CDIP1: variants seen among roughly 807,000 people sequenced by gnomAD.
CDIP1 encodes cell death-inducing p53-target protein 1.
CDIP1 carries 9 observed loss-of-function variants against 17.7 expected under a neutral mutation model. The ratio of observed to expected loss-of-function variants is 0.51; its 90% CI spans 0.31 to 0.89. The LOEUF is 0.89. CDIP1 is among the 40% of genes least tolerant of loss of function. The pLI, the probability that CDIP1 is intolerant of heterozygous loss-of-function variation, is 0.05. For missense variants in CDIP1, 263 were observed against 277.9 expected (o/e 0.95, Z 0.38); for synonymous variants, 117 against 109.5 (o/e 1.07, Z -0.43).
chr16:4,531,296 G>A (rs1445994058), intron 1 of CDIP1, among the ~76,000 whole-genome samples: 2 of 151,798 alleles, frequency 1.3e-5, no homozygotes, highest in Admixed American at 1.3e-4. Flanking sequence ...CCAAAGTGCT[G>A]GGATTACAGG....
chr16:4,517,436 TAAG>T (rs2141634122), intron 1 of CDIP1, among the ~76,000 whole-genome samples: 1 of 152,134 alleles, frequency 6.6e-6, no homozygotes, highest in Non-Finnish European at 1.5e-5. Flanking sequence ...GGCACAGGGT[TAAG>T]AAAAGGGAGC....
At position 4,510,771 on chromosome 16, in the gene CDIP1, A is replaced by AAAAGT. The variant is rs896207539; in HGVS notation, c.*1796_*1800dup. On this transcript the variant is annotated 3_prime_UTR_variant, in exon 6 of 6. Coordinates refer to ENST00000567695, the MANE Select transcript of CDIP1 (RefSeq NM_013399.3). Reference sequence around the variant, plus strand: ...AAAAGTTTTATTTCAAAAAGGGTTAAAAAGTAGGGAAACTCTTTAAACTAC... The same window carrying AAAAGT: ...AAAAGTTTTATTTCAAAAAGGGTTAAAAAGTAAAGTAGGGAAACTCTTTAAACTAC... 3 of 152,230 alleles carry AAAAGT rather than the reference A, an allele frequency of 2.0e-5. No individual in the cohort carries two copies. The highest frequency in any genetic ancestry group is 4.4e-5 in the Non-Finnish European group (3 of 68,042). The allele number at this position is 152,230 out of a possible 1,614,324, so 9.4% of individuals were successfully genotyped here.
At chr16:4,534,951 C>G (rs1480260525) in intron 1 of CDIP1, among the ~76,000 whole-genome samples, 2 of 152,128 alleles carry the variant, frequency 1.3e-5, no homozygotes, top group East Asian at 3.9e-4. Context: ...TTCCCAACCT[C>G]AGGTGATCCG....
At position 4,514,115 on chromosome 16, in the gene CDIP1, G is replaced by C. The variant is rs1210120083; in HGVS notation, c.16C>G (p.Pro6Ala). Residue 6 changes from proline (P) to alanine (A), a missense_variant, in exon 3 of 6, where the codon CCC becomes GCC. Coordinates refer to ENST00000567695, the MANE Select transcript of CDIP1 (RefSeq NM_013399.3). This position sits in a 1 kb window ranked among gnomAD's most constrained non-coding sequence, Gnocchi z 5.2. MSSEP[P>A]PPYPGGPTAP... Reference sequence around the variant, plus strand: ...GTGGGGCCCCCAGGATAAGGAGGGGGAGGCTCGCTGGACATCTTCGCTGCT... The same window carrying C: ...GTGGGGCCCCCAGGATAAGGAGGGGCAGGCTCGCTGGACATCTTCGCTGCT... 1.9e-6 allele frequency: 3 copies of C among 1,546,536 alleles called. No individual in the cohort carries two copies. In the South Asian group the frequency reaches 3.7e-5, roughly 19 times the overall value.
intron 1 of CDIP1, among the ~76,000 whole-genome samples, chr16:4,527,591 T>G (rs57917522): frequency 6.6e-6 from 1 of 152,206 alleles, no homozygotes. Context: ...CACAGCATAG[T>G]GGATCAGTAC....
At chr16:4,526,373 C>A (rs2059000822) in intron 1 of CDIP1, among the ~76,000 whole-genome samples, 1 of 151,684 alleles carries the variant, frequency 6.6e-6, no homozygotes, top group Non-Finnish European at 1.5e-5. Flanking sequence ...CCGTCGCACT[C>A]CAGCCCGGGC....
rs1211191294 is a variant in CDIP1, at chr16:4,513,660, T to C, written c.241+36A>G. ...GCGCAGGCCAGACAGCAGCCAGGAG[T>C]TCCCCATGCTCCCCTCAGATCCCTT... On this transcript the variant is annotated intron_variant, in intron 4 of 5. Transcript: ENST00000567695. This position sits in a 1 kb window ranked among gnomAD's most constrained non-coding sequence, Gnocchi z 4.1. 1 of 1,587,906 alleles carries C rather than the reference T, an allele frequency of 6.3e-7. No homozygotes were observed. Among genetic ancestry groups the C allele is most frequent in the East Asian group, 2.2e-5 (1 of 44,504 alleles).
At chr16:4,530,506 G>A (rs531999187) in intron 1 of CDIP1, among the ~76,000 whole-genome samples, 20 of 152,048 alleles carry the variant, frequency 1.3e-4, no homozygotes, top group Non-Finnish European at 2.2e-4. Context: ...AAAATTAGCC[G>A]GGCGTGGTGG....
At chr16:4,521,777 A>T (rs114452004) in intron 1 of CDIP1, among the ~76,000 whole-genome samples, 11,728 of 149,450 alleles carry the variant, frequency 0.078, 768 homozygotes, top group African/African-American at 0.17. Context: ...CCCAAGACCC[A>T]CCACTTTCCA....
intron 1 of CDIP1, among the ~76,000 whole-genome samples, chr16:4,525,162 A>C (rs2058987242): frequency 6.6e-6 from 1 of 152,114 alleles, no homozygotes; most frequent in Non-Finnish European, 1.5e-5. Flanking sequence ...AGTTCTCTTC[A>C]AGTGATCCAT....
intron 1 of CDIP1, among the ~76,000 whole-genome samples, chr16:4,522,201 G>C (rs1317161231): frequency 1.3e-5 from 2 of 152,222 alleles, no homozygotes; most frequent in African/African-American, 4.8e-5. Context: ...ACAACTCTTT[G>C]AGAAGGCAGA....
intron 1 of CDIP1, chr16:4,536,573 ATTACT>A (rs2059108218): frequency 6.6e-6 from 1 of 152,174 alleles, no homozygotes; most frequent in Non-Finnish European, 1.5e-5. Context: ...TCCCTGAAGT[ATTACT>A]TTACATCATA....
At chr16:4,528,046 C>A (rs1053330006) in intron 1 of CDIP1, among the ~76,000 whole-genome samples, 1 of 152,158 alleles carries the variant, frequency 6.6e-6, no homozygotes, top group South Asian at 2.1e-4. Context: ...GAACTCTTGA[C>A]CTCAGGTGAT....
Position 4,514,437 on chromosome 16 carries a change from TG to T in CDIP1, c.-15+137del, listed in dbSNP as rs2141629092. The stretch of plus-strand genomic sequence containing the variant: ...CCCCCAAGGAGCCTAACTCAGCACT[TG>T]CCCCACACGAGAGCAGTTTGGCACC... On this transcript the variant is annotated intron_variant, in intron 2 of 5. Coordinates refer to ENST00000567695, the MANE Select transcript of CDIP1 (RefSeq NM_013399.3). This position sits in a 1 kb window ranked among gnomAD's most constrained non-coding sequence, Gnocchi z 5.2. 1 of 374,006 alleles carries T rather than the reference TG, an allele frequency of 2.7e-6. No individual in the cohort carries two copies. The highest frequency in any genetic ancestry group is 2.1e-5 in the African/African-American group (1 of 47,444). The allele number at this position is 374,006 out of a possible 1,614,324, so 23.2% of individuals were successfully genotyped here. A position where few individuals can be genotyped will look rare whatever the true frequency, so the allele number is the denominator to read the frequency against.
At chr16:4,523,482 C>G (rs1052420631) in intron 1 of CDIP1, among the ~76,000 whole-genome samples, 4 of 152,090 alleles carry the variant, frequency 2.6e-5, no homozygotes, top group African/African-American at 9.7e-5. Flanking sequence ...CCACTGCACT[C>G]TAACCTGGCG....
At chr16:4,534,093 G>A (rs1003733334) in intron 1 of CDIP1, among the ~76,000 whole-genome samples, 1 of 152,058 alleles carries the variant, frequency 6.6e-6, no homozygotes, top group African/African-American at 2.4e-5. Flanking sequence ...TGGAATTACA[G>A]GCACCTGCCC....
At position 4,512,570 on chromosome 16, in the gene CDIP1, C is replaced by T. The variant is rs1382204667; in HGVS notation, c.*2G>A. The T allele has an allele frequency of 3.7e-6, 6 of 1,610,338 alleles. No individual in the cohort carries two copies. The highest frequency in any genetic ancestry group is 2.2e-5 in the East Asian group (1 of 44,860). On this transcript the variant is annotated 3_prime_UTR_variant, in exon 6 of 6. Transcript: ENST00000567695. This position sits in a 1 kb window ranked among gnomAD's most constrained non-coding sequence, Gnocchi z 4.6. ...GCGGGGGAGTCCCGAGTCCCAGCTC[C>T]GTTAGCACAGGCGCTTGTACGTGTA... is the stretch of plus-strand genomic sequence containing the variant.
chr16:4,525,830 C>G (rs2058994303), intron 1 of CDIP1, among the ~76,000 whole-genome samples: 1 of 152,202 alleles, frequency 6.6e-6, no homozygotes, highest in African/African-American at 2.4e-5. Context: ...CACAGGCAGG[C>G]CTGGAAAATC....
intron 1 of CDIP1, among the ~76,000 whole-genome samples, chr16:4,516,698 CTTTTTTTTTT>C (rs767463500): frequency 2.6e-5 from 2 of 78,056 alleles, no homozygotes; most frequent in African/African-American, 5.2e-5. Context: ...GTTTTAAATC[CTTTTTTTTTT>C]TTTTTTTTTT....
Sources: allele counts gnomAD v4.1 joint callset (sites outside exome capture counted in the v4.1 genomes callset), GRCh38; gene constraint gnomAD v4.1.1; non-coding constraint Gnocchi (gnomAD v3.1); transcripts MANE v1.5; gene names NCBI Gene and HGNC (gene_info 2026-07-23, HGNC 2026-07-21).